Variants in RBMS3 observed in about 807,000 individuals in gnomAD.
RBMS3 encodes RNA-binding motif, single-stranded-interacting protein 3.
RBMS3 carries 27 observed loss-of-function variants against 66.8 expected under a neutral mutation model. The observed-to-expected ratio is 0.40, with a 90% CI of 0.30 to 0.56. RBMS3 has a LOEUF of 0.56. Ranked by LOEUF, RBMS3 falls within the 20% of genes least tolerant of loss-of-function variation. RBMS3 has a pLI of 0.40. For synonymous variants in RBMS3, 188 were observed against 183.0 expected (o/e 1.03, Z -0.22); for missense variants, 513 against 549.5 (o/e 0.93, Z 0.66).
chr3:29,927,798 T>C (rs1256381453), intron 10 of RBMS3, among the ~76,000 whole-genome samples: 1 of 152,142 alleles, frequency 6.6e-6, no homozygotes, highest in Admixed American at 6.5e-5. Context: ...ATGTGTGCTA[T>C]GCTAACAAGG....
chr3:29,814,947 G>T (rs1212248744), intron 6 of RBMS3, among the ~76,000 whole-genome samples: 2 of 152,124 alleles, frequency 1.3e-5, no homozygotes, highest in African/African-American at 4.8e-5. Context: ...GTTACAGAAT[G>T]AGTGTTTCCT....
chr3:29,452,745 A>G (rs1255049254), intron 2 of RBMS3, among the ~76,000 whole-genome samples: 2 of 152,194 alleles, frequency 1.3e-5, no homozygotes, highest in Non-Finnish European at 2.9e-5. Context: ...GAAAACAGGT[A>G]AAAACTTGCA....
intron 8 of RBMS3, among the ~76,000 whole-genome samples, chr3:29,892,843 G>T (rs149411773): frequency 0.033 from 4,591 of 137,386 alleles, 267 homozygotes; most frequent in African/African-American, 0.12. Flanking sequence ...ATGTATGTAT[G>T]TATTTATTTA....
chr3:29,611,390 T>C (rs1307167482), intron 4 of RBMS3, among the ~76,000 whole-genome samples: 1 of 152,030 alleles, frequency 6.6e-6, no homozygotes, highest in Non-Finnish European at 1.5e-5. Context: ...GTCCCTGTTG[T>C]AAATTGTAAA....
intron 4 of RBMS3, among the ~76,000 whole-genome samples, chr3:29,729,545 T>C (rs1325155097): frequency 6.6e-6 from 1 of 152,180 alleles, no homozygotes; most frequent in East Asian, 1.9e-4. Flanking sequence ...TAGTTCTAGA[T>C]GCTTGAGGAA....
chr3:29,452,081 G>A (rs1050852716), intron 2 of RBMS3, among the ~76,000 whole-genome samples: 2 of 152,170 alleles, frequency 1.3e-5, no homozygotes, highest in Admixed American at 6.5e-5. Flanking sequence ...TATGCTTGAA[G>A]GATGTCAAGT....
chr3:29,727,080 A>G (rs2053917564), intron 4 of RBMS3, among the ~76,000 whole-genome samples: 1 of 152,186 alleles, frequency 6.6e-6, no homozygotes, highest in African/African-American at 2.4e-5. Context: ...CAACCATCTG[A>G]TCTTCAACAA....
At chr3:29,395,369 A>G (rs2039499876) in intron 1 of RBMS3, among the ~76,000 whole-genome samples, 2 of 152,174 alleles carry the variant, frequency 1.3e-5, no homozygotes, top group African/African-American at 2.4e-5. Flanking sequence ...CATGTAGGGT[A>G]TGGGGAAAAC....
At chr3:29,349,132 T>G (rs1207965642) in intron 1 of RBMS3, among the ~76,000 whole-genome samples, 1 of 152,164 alleles carries the variant, frequency 6.6e-6, no homozygotes, top group Admixed American at 6.5e-5. Flanking sequence ...ACTGTGGATG[T>G]TTGAAAGCAC....
rs540261260 is a variant in RBMS3, at chr3:29,888,358, T to A, written c.791+4150T>A. Among the ~76,000 whole-genome samples, 3 of 151,818 alleles carry A rather than the reference T, an allele frequency of 2.0e-5. No individual in the cohort carries two copies. In the East Asian group the frequency reaches 5.8e-4, roughly 30 times the overall value. ...TCTCTAATATCATGTAATAAATAAT[T>A]TTAGTCCATTGAAATTGGGCATATT... is the stretch of plus-strand genomic sequence containing the variant. On this transcript the variant is annotated intron_variant, in intron 8 of 14. Transcript: ENST00000383767.
intron 1 of RBMS3, among the ~76,000 whole-genome samples, chr3:29,417,039 C>G (rs9310897): frequency 0.43 from 65,597 of 151,382 alleles, 14,403 homozygotes; most frequent in African/African-American, 0.52. Flanking sequence ...GATAATTCTC[C>G]CTGGAGAAAA....
intron 6 of RBMS3, among the ~76,000 whole-genome samples, chr3:29,830,730 T>C (rs996372863): frequency 2.0e-5 from 3 of 152,148 alleles, no homozygotes; most frequent in Admixed American, 6.5e-5. Flanking sequence ...TTTATTCTGG[T>C]GAATGCATCA....
intron 1 of RBMS3, among the ~76,000 whole-genome samples, chr3:29,346,934 T>C (rs2036610389): frequency 6.6e-6 from 1 of 152,206 alleles, no homozygotes; most frequent in Non-Finnish European, 1.5e-5. Context: ...TTTAAATGGC[T>C]ATTGACCATA....
chr3:29,403,539 A>G (rs572032255), intron 1 of RBMS3, among the ~76,000 whole-genome samples: 8 of 152,172 alleles, frequency 5.3e-5, no homozygotes, highest in Admixed American at 3.9e-4. Context: ...CAGCACCTCC[A>G]ACTTTAGGCC....
chr3:29,485,948 C>T (rs150458228), intron 2 of RBMS3, among the ~76,000 whole-genome samples: 27 of 152,084 alleles, frequency 1.8e-4, no homozygotes, highest in African/African-American at 6.5e-4. Flanking sequence ...AGGTTATATA[C>T]CTGAAGGCAT....
At chr3:29,507,586 T>C (rs1331078617) in intron 3 of RBMS3, among the ~76,000 whole-genome samples, 1 of 152,156 alleles carries the variant, frequency 6.6e-6, no homozygotes, top group Non-Finnish European at 1.5e-5. Context: ...TTACTTGATA[T>C]GTGTAATTAT....
intron 2 of RBMS3, among the ~76,000 whole-genome samples, chr3:29,465,838 TTTG>T (rs1367519148): frequency 1.3e-5 from 2 of 152,120 alleles, no homozygotes; most frequent in African/African-American, 4.8e-5. Context: ...ACAGATGTGC[TTTG>T]TTATTTTATT....
Position 29,759,007 on chromosome 3 carries a change from T to C in RBMS3, c.558-3903T>C, listed in dbSNP as rs138661236. On this transcript the variant is annotated intron_variant, in intron 5 of 14. Coordinates refer to ENST00000383767, the MANE Select transcript of RBMS3 (RefSeq NM_001003793.3). Reference sequence around the variant, plus strand: ...TTTTAAATACATGGTTAATAATGCTTACTGCTTTAAGACCATAAACTGTGT... The same window carrying C: ...TTTTAAATACATGGTTAATAATGCTCACTGCTTTAAGACCATAAACTGTGT... 3.8e-3 allele frequency among the ~76,000 whole-genome samples: 581 copies of C among 152,266 alleles called. 4 individuals carry two copies. The highest frequency in any genetic ancestry group is 0.013 in the African/African-American group (551 of 41,560).
chr3:29,893,199 A>T (rs2060046042), intron 8 of RBMS3, among the ~76,000 whole-genome samples: 1 of 151,534 alleles, frequency 6.6e-6, no homozygotes, highest in African/African-American at 2.4e-5. Context: ...CTTGAGTGGC[A>T]GTATTGGAAT....
Sources: gnomAD v4.1 joint callset for allele counts (sites outside exome capture counted in the v4.1 genomes callset) on GRCh38, gnomAD v4.1.1 for gene constraint, MANE v1.5 for transcripts, NCBI Gene and HGNC (gene_info 2026-07-23, HGNC 2026-07-21) for gene names.